The following IPCEF1 variants were observed in gnomAD, a reference collection of about 807,000 sequenced individuals.
IPCEF1 encodes the protein interactor protein for cytohesin exchange factors 1.
In IPCEF1, 31 loss-of-function variants were observed where a neutral mutation model predicts 50.9. The observed-to-expected ratio is 0.61, with a 90% CI of 0.46 to 0.82. The LOEUF (loss-of-function observed/expected upper bound fraction) is 0.82. Among genes scored for constraint, IPCEF1 ranks in the 40% least tolerant of loss-of-function variants. The probability of loss-of-function intolerance (pLI) is 0.00; values close to 1 mark genes in which losing one functional copy is unlikely to be tolerated. For synonymous variants in IPCEF1, 181 were observed against 192.0 expected (o/e 0.94, Z 0.47); for missense variants, 458 against 514.0 (o/e 0.89, Z 1.05).
intron 1 of IPCEF1, among the ~76,000 whole-genome samples, chr6:154,329,577 C>A (rs1783607428): frequency 6.8e-6 from 1 of 148,056 alleles, no homozygotes; most frequent in Non-Finnish European, 1.5e-5. Flanking sequence ...AGTGACAGAG[C>A]CAGACCCTGT....
In IPCEF1 at chr6:154,212,862, C is replaced by T; in HGVS notation, c.452-7G>A. The T allele has an allele frequency of 1.3e-6, 2 of 1,597,316 alleles. No individual in the cohort carries two copies. Among genetic ancestry groups the T allele is most frequent in the Non-Finnish European group, 1.7e-6 (2 of 1,164,852 alleles). Reference sequence around the variant, plus strand: ...TCACTTTCACTGTAACATTCTATAACAAAAATGAAAATGCTTAATGTTTTA... The same window carrying T: ...TCACTTTCACTGTAACATTCTATAATAAAAATGAAAATGCTTAATGTTTTA... On this transcript the variant is annotated splice_polypyrimidine_tract_variant and splice_region_variant and intron_variant, in intron 8 of 11. Transcript: ENST00000367220.
intron 10 of IPCEF1, among the ~76,000 whole-genome samples, chr6:154,182,254 C>T (rs964282545): frequency 2.0e-5 from 3 of 152,104 alleles, no homozygotes; most frequent in South Asian, 2.1e-4. Context: ...GAGTCATGTA[C>T]GTATCTTCTT....
At chr6:154,313,145 G>T (rs146247427) in intron 1 of IPCEF1, among the ~76,000 whole-genome samples, 8 of 150,994 alleles carry the variant, frequency 5.3e-5, no homozygotes, top group Non-Finnish European at 1.2e-4. Context: ...ACTGTGGAGG[G>T]CAGATCACCC....
chr6:154,303,028 T>G (rs1010879650), intron 1 of IPCEF1, among the ~76,000 whole-genome samples: 2 of 152,090 alleles, frequency 1.3e-5, no homozygotes, highest in African/African-American at 2.4e-5. Context: ...ACCCAACAGC[T>G]TTAGTAAATC....
chr6:154,250,242 G>T (rs73567201), intron 3 of IPCEF1, among the ~76,000 whole-genome samples: 7 of 149,450 alleles, frequency 4.7e-5, no homozygotes, highest in African/African-American at 1.7e-4. Context: ...GTGGTTTTTC[G>T]CTAGGTAAGT....
intron 1 of IPCEF1, among the ~76,000 whole-genome samples, chr6:154,336,383 C>A (rs150597306): frequency 6.6e-4 from 100 of 152,048 alleles, no homozygotes; most frequent in African/African-American, 2.3e-3. Flanking sequence ...TGGATGGAAC[C>A]GAAGGTAATT....
intron 1 of IPCEF1, among the ~76,000 whole-genome samples, chr6:154,347,309 G>T (rs1784049751): frequency 1.3e-5 from 2 of 152,210 alleles, no homozygotes; most frequent in African/African-American, 4.8e-5. Flanking sequence ...TCTGACCCCA[G>T]AGTCAAACTG....
intron 10 of IPCEF1, among the ~76,000 whole-genome samples, chr6:154,186,643 G>T (rs28690573): frequency 6.6e-6 from 1 of 151,772 alleles, no homozygotes; most frequent in Non-Finnish European, 1.5e-5. Flanking sequence ...TGCAAGCTCC[G>T]CCTCCCGGGT....
intron 3 of IPCEF1, 48 bp from the exon 4 acceptor site, chr6:154,247,536 T>C (rs1781158308): frequency 6.5e-7 from 1 of 1,547,418 alleles, no homozygotes; most frequent in South Asian, 1.1e-5. Flanking sequence ...GATTGTGTTG[T>C]AACATTTGTA....
intron 1 of IPCEF1, among the ~76,000 whole-genome samples, chr6:154,303,076 TA>T (rs1782838472): frequency 1.3e-5 from 2 of 149,742 alleles, no homozygotes; most frequent in African/African-American, 4.9e-5. Flanking sequence ...GCAACTATAT[TA>T]TAGCTATGAT....
intron 1 of IPCEF1, among the ~76,000 whole-genome samples, chr6:154,329,615 AAG>A (rs1008843548): frequency 1.3e-5 from 2 of 151,766 alleles, no homozygotes; most frequent in Admixed American, 6.6e-5. Context: ...AAAAGAAAGA[AAG>A]AGAGAGAGAG....
At chr6:154,171,459 T>C (rs1443018465) in intron 10 of IPCEF1, among the ~76,000 whole-genome samples, 1 of 151,346 alleles carries the variant, frequency 6.6e-6, no homozygotes, top group Non-Finnish European at 1.5e-5. Flanking sequence ...TTGCCTGGGG[T>C]CTGGGAGGGG....
At chr6:154,180,402 ATATATATATATATTTT>A (rs149817374) in intron 10 of IPCEF1, among the ~76,000 whole-genome samples, 63,267 of 138,610 alleles carry the variant, frequency 0.46, 14,416 homozygotes, top group East Asian at 0.73. Context: ...ATATATATAT[ATATATATATATATTTT>A]TTTTTTAAAC....
intron 5 of IPCEF1, among the ~76,000 whole-genome samples, chr6:154,235,901 A>G (rs945000231): frequency 2.6e-5 from 4 of 152,206 alleles, no homozygotes; most frequent in African/African-American, 9.7e-5. Flanking sequence ...TTAAGTGACA[A>G]GCACTGTTGA....
At chr6:154,322,403 C>CACACA (rs1554224661) in intron 1 of IPCEF1, among the ~76,000 whole-genome samples, 1 of 149,654 alleles carries the variant, frequency 6.7e-6, no homozygotes, top group African/African-American at 2.5e-5. Flanking sequence ...CACACACACA[C>CACACA]CCCTATGTTT....
intron 2 of IPCEF1, among the ~76,000 whole-genome samples, chr6:154,273,218 G>A (rs1781941569): frequency 6.6e-6 from 1 of 152,126 alleles, no homozygotes; most frequent in Non-Finnish European, 1.5e-5. Context: ...AGCAGCAAGT[G>A]GATTTATACA....
intron 5 of IPCEF1, among the ~76,000 whole-genome samples, chr6:154,225,764 T>G (rs1481163725): frequency 6.6e-6 from 1 of 152,224 alleles, no homozygotes; most frequent in African/African-American, 2.4e-5. Flanking sequence ...TCATCTAAAT[T>G]TTAAGAATCT....
chr6:154,258,327 C>T (rs1781512228), intron 3 of IPCEF1, among the ~76,000 whole-genome samples: 1 of 152,152 alleles, frequency 6.6e-6, no homozygotes. Flanking sequence ...GAAACTTCTC[C>T]ACAGATCACG....
chr6:154,254,422 C>T lies in IPCEF1; in HGVS notation c.37-6934G>A, dbSNP rs112684926. 4.8e-3 allele frequency among the ~76,000 whole-genome samples: 733 copies of T among 152,222 alleles called. 7 individuals are homozygous for T. Among genetic ancestry groups the T allele is most frequent in the African/African-American group, 0.017 (699 of 41,528 alleles). On this transcript the variant is annotated intron_variant, in intron 3 of 11. Transcript: ENST00000367220. ...GCAGGAGAAAGAGAGAAGCAGGAAG[C>T]ACCAGATACTAATCAAACAACCAGA...
Sources: gnomAD v4.1 joint callset for allele counts (sites outside exome capture counted in the v4.1 genomes callset) on GRCh38, gnomAD v4.1.1 for gene constraint, MANE v1.5 for transcripts, NCBI Gene and HGNC (gene_info 2026-07-23, HGNC 2026-07-21) for gene names.